Variants in GABBR2 observed in about 807,000 individuals in gnomAD.
The protein encoded by GABBR2 is G-protein coupled receptor 51.
GABBR2 carries 23 observed loss-of-function variants against 105.6 expected under a neutral mutation model. The observed-to-expected ratio is 0.22, with a 90% CI of 0.16 to 0.31. The LOEUF is 0.31. Among genes scored for constraint, GABBR2 ranks in the 10% least tolerant of loss-of-function variants. The pLI is 1.00. For missense variants in GABBR2, 734 were observed against 1,245.5 expected (o/e 0.59, Z 6.18); for synonymous variants, 478 against 499.7 (o/e 0.96, Z 0.58).
intron 1 of GABBR2, among the ~76,000 whole-genome samples, chr9:98,659,778 C>T (rs1301109165): frequency 2.0e-5 from 3 of 151,960 alleles, no homozygotes; most frequent in Non-Finnish European, 4.4e-5. Flanking sequence ...ACCTCGGTCT[C>T]CCAAAGTGTT....
intron 1 of GABBR2, among the ~76,000 whole-genome samples, chr9:98,624,170 G>A (rs1294022050): frequency 6.6e-6 from 1 of 152,200 alleles, no homozygotes; most frequent in Non-Finnish European, 1.5e-5. Context: ...CTGTGGAGGG[G>A]CTGGACCAGG....
intron 11 of GABBR2, among the ~76,000 whole-genome samples, chr9:98,383,687 C>A (rs147376528): frequency 1.3e-5 from 2 of 152,326 alleles, no homozygotes; most frequent in East Asian, 3.9e-4. Context: ...GGCTAGACAG[C>A]TCACAGTGAA....
chr9:98,698,985 G>T (rs1459072050), intron 1 of GABBR2, among the ~76,000 whole-genome samples: 2 of 152,060 alleles, frequency 1.3e-5, no homozygotes, highest in Non-Finnish European at 2.9e-5. Context: ...GGGATTCCAG[G>T]GAACATATTT....
intron 1 of GABBR2, among the ~76,000 whole-genome samples, chr9:98,594,503 G>A (rs994580406): frequency 6.6e-6 from 1 of 152,186 alleles, no homozygotes; most frequent in Non-Finnish European, 1.5e-5. Flanking sequence ...GGGAAGGGAG[G>A]GGCTCTGGGA....
At position 98,369,161 on chromosome 9, in the gene GABBR2, G is replaced by A. The variant is rs574620423; in HGVS notation, c.1770+2303C>T. ...AGCTGAGGAACACTGGGGTGGCCAG[G>A]CCTCTCATCTTACGGAGAGTTGTCA... is the stretch of plus-strand genomic sequence containing the variant. On this transcript the variant is annotated intron_variant, in intron 12 of 18. Transcript: ENST00000259455. Among the ~76,000 whole-genome samples, 8 of 152,342 alleles carry A rather than the reference G, an allele frequency of 5.3e-5. No individual in the cohort carries two copies. The East Asian group carries it at 1.4e-3, about 26-fold the overall frequency.
intron 1 of GABBR2, among the ~76,000 whole-genome samples, chr9:98,626,690 A>T (rs923321133): frequency 6.6e-6 from 1 of 152,176 alleles, no homozygotes; most frequent in African/African-American, 2.4e-5. Context: ...TAAGTTCTAG[A>T]TGAGTGCTTG....
chr9:98,626,728 C>G (rs1468423882), intron 1 of GABBR2, among the ~76,000 whole-genome samples: 1 of 152,150 alleles, frequency 6.6e-6, no homozygotes, highest in Non-Finnish European at 1.5e-5. Flanking sequence ...TGAAGCAACA[C>G]CAAGCATTTG....
intron 8 of GABBR2, among the ~76,000 whole-genome samples, chr9:98,397,465 A>G (rs1053132160): frequency 6.6e-6 from 1 of 152,034 alleles, no homozygotes; most frequent in Non-Finnish European, 1.5e-5. Flanking sequence ...GTAAACTGGG[A>G]ACTTTAGAAT....
At chr9:98,613,909 T>C (rs1829543909) in intron 1 of GABBR2, among the ~76,000 whole-genome samples, 1 of 152,186 alleles carries the variant, frequency 6.6e-6, no homozygotes, top group South Asian at 2.1e-4. Context: ...GCAAAGTTAA[T>C]GAACTACTAA....
At chr9:98,516,520 G>C (rs1588207696) in intron 3 of GABBR2, among the ~76,000 whole-genome samples, 1 of 152,306 alleles carries the variant, frequency 6.6e-6, no homozygotes, top group East Asian at 1.9e-4. Context: ...CTTGCCTCTA[G>C]ACCAATATTG....
chr9:98,592,885 C>T (rs933883781), intron 1 of GABBR2, among the ~76,000 whole-genome samples: 1 of 152,200 alleles, frequency 6.6e-6, no homozygotes, highest in African/African-American at 2.4e-5. Context: ...CTGGTAGGCC[C>T]TGAGCCAGCC....
chr9:98,468,158 T>C (rs1037116262), intron 6 of GABBR2, among the ~76,000 whole-genome samples: 18 of 152,094 alleles, frequency 1.2e-4, no homozygotes, highest in African/African-American at 4.3e-4. Context: ...GACAGTCCAA[T>C]GGGAAAGGAC....
intron 1 of GABBR2, among the ~76,000 whole-genome samples, chr9:98,587,135 T>G (rs1829089334): frequency 6.6e-6 from 1 of 152,226 alleles, no homozygotes; most frequent in Non-Finnish European, 1.5e-5. Flanking sequence ...AATTTGTATG[T>G]TCCTGATTAC....
chr9:98,693,011 T>C (rs78776112), intron 1 of GABBR2, among the ~76,000 whole-genome samples: 1,692 of 152,264 alleles, frequency 0.011, 37 homozygotes, highest in African/African-American at 0.039. Context: ...CTCTTGGCAA[T>C]ACTTGGCCCA....
chr9:98,443,068 G>T (rs906620879), intron 7 of GABBR2, among the ~76,000 whole-genome samples: 3 of 152,204 alleles, frequency 2.0e-5, no homozygotes, highest in Non-Finnish European at 1.5e-5. Context: ...AGGTGAATGT[G>T]AGGATTAAGT....
chr9:98,411,748 G>A (rs1043612642), intron 7 of GABBR2, among the ~76,000 whole-genome samples: 6 of 152,048 alleles, frequency 3.9e-5, no homozygotes, highest in African/African-American at 1.4e-4. Flanking sequence ...CAATTTATTT[G>A]TTGTTGAGAT....
chr9:98,331,733 C>A (rs1057287972), intron 13 of GABBR2, among the ~76,000 whole-genome samples: 2 of 152,166 alleles, frequency 1.3e-5, no homozygotes, highest in Admixed American at 1.3e-4. Flanking sequence ...GTGCTGAGCA[C>A]CTCCTGGATG....
At chr9:98,403,229 G>T (rs1386086981) in intron 8 of GABBR2, among the ~76,000 whole-genome samples, 3 of 149,680 alleles carry the variant, frequency 2.0e-5, no homozygotes, top group Non-Finnish European at 4.4e-5. Flanking sequence ...AGGAGGCAGA[G>T]GTTGCAGTGA....
At chr9:98,493,662 C>G (rs1174058038) in intron 4 of GABBR2, among the ~76,000 whole-genome samples, 2 of 152,202 alleles carry the variant, frequency 1.3e-5, no homozygotes, top group Non-Finnish European at 2.9e-5. Context: ...TCTGTACCTC[C>G]TTCTCCATCT....
Sources: allele counts gnomAD v4.1 joint callset (sites outside exome capture counted in the v4.1 genomes callset), GRCh38; gene constraint gnomAD v4.1.1; transcripts MANE v1.5; gene names NCBI Gene and HGNC (gene_info 2026-07-23, HGNC 2026-07-21).